Variants in RCC1L observed in about 807,000 individuals in gnomAD.
RCC1L encodes RCC1 like.
A neutral mutation model predicts 58.6 loss-of-function variants in RCC1L; 46 were observed. The observed-to-expected ratio is 0.79, with a 90% CI of 0.62 to 1.00. The LOEUF is 1.00. Ranked by LOEUF, RCC1L falls within the 50% of genes least tolerant of loss-of-function variation. RCC1L has a pLI of 0.00. For missense variants in RCC1L, 636 were observed against 623.6 expected (o/e 1.02, Z -0.21); for synonymous variants, 281 against 262.9 (o/e 1.07, Z -0.67).
chr7:75,063,340 T>C lies in RCC1L; in HGVS notation c.654A>G (p.Glu218=), dbSNP rs1806339238. 1 of 1,613,780 alleles carries C rather than the reference T, an allele frequency of 6.2e-7. No homozygotes were observed. Among genetic ancestry groups the C allele is most frequent in the Non-Finnish European group, 8.5e-7 (1 of 1,179,830 alleles). The change falls in exon 5 of 11, where the codon GAA becomes GAG. Residue 218 remains glutamate (E), a synonymous_variant. Coordinates refer to ENST00000610322, the MANE Select transcript of RCC1L (RefSeq NM_030798.5). The stretch of plus-strand genomic sequence containing the variant: ...CCTGCATCCTGTGGACTCTGTGACT[T>C]TCACTACAGCCAGGAACAAATTGGG... ...RKVVENEIYS[E]SHRVHRMQDF...
intron 8 of RCC1L, among the ~76,000 whole-genome samples, chr7:75,057,023 G>A (rs1201309832): frequency 3.9e-5 from 6 of 152,086 alleles, no homozygotes; most frequent in African/African-American, 1.4e-4. Context: ...ATCCAGGCTG[G>A]AGTGCAGTGG....
At chr7:75,036,154 T>C (rs1805426738) in intron 10 of RCC1L, among the ~76,000 whole-genome samples, 1 of 146,552 alleles carries the variant, frequency 6.8e-6, no homozygotes, top group East Asian at 2.0e-4. Context: ...GTTTTGCTCG[T>C]TTCCCAAGCT....
chr7:75,050,988 G>A (rs1321960238), intron 10 of RCC1L, among the ~76,000 whole-genome samples: 2 of 151,896 alleles, frequency 1.3e-5, no homozygotes, highest in African/African-American at 4.8e-5. Context: ...AGCTATTCAG[G>A]AGGCTGAGGT....
At chr7:75,046,524 T>C (rs1024955346) in intron 10 of RCC1L, among the ~76,000 whole-genome samples, 14 of 152,206 alleles carry the variant, frequency 9.2e-5, no homozygotes, top group Non-Finnish European at 1.3e-4. Context: ...GCCCGGCTCC[T>C]GGGAGCCAGC....
At position 75,073,660 on chromosome 7, in the gene RCC1L, C is replaced by A; in HGVS notation, c.78G>T (p.Trp26Cys). 1 of 1,484,990 alleles carries A rather than the reference C, an allele frequency of 6.7e-7. No homozygotes were observed. The highest frequency in any genetic ancestry group is 8.9e-7 in the Non-Finnish European group (1 of 1,125,704). 92.0% of individuals were successfully genotyped at this position (1,484,990 alleles called of 1,614,324 possible). ...GGCTCCGGGAGCGCCCGGCCGCCGT[C>A]CAGTGCCCTCGCCCCAGCCCCGGCC... is the stretch of plus-strand genomic sequence containing the variant. ...LSGPGLGRGH[W>C]TAAGRSRSRR... The change falls in exon 1 of 11, where the codon TGG becomes TGT. Residue 26 changes from tryptophan to cysteine, a missense_variant. Physicochemically the swap from Trp to Cys is radical, Grantham distance 215 (BLOSUM62 -2). Coordinates refer to ENST00000610322, the MANE Select transcript of RCC1L (RefSeq NM_030798.5).
chr7:75,070,047 A>C (rs587602442), intron 2 of RCC1L, among the ~76,000 whole-genome samples: 1 of 152,314 alleles, frequency 6.6e-6, no homozygotes, highest in South Asian at 2.1e-4. Context: ...ACTGCAGAGT[A>C]CTTCACGCTG....
intron 9 of RCC1L, among the ~76,000 whole-genome samples, chr7:75,054,820 AATGCAAGTGGC>A (rs1806024682): frequency 6.6e-6 from 1 of 152,224 alleles, no homozygotes; most frequent in South Asian, 2.1e-4. Context: ...CTCAGCTGCA[AATGCAAGTGGC>A]CACTCTGGCT....
chr7:75,029,407 G>A (rs1208062822), intron 10 of RCC1L, among the ~76,000 whole-genome samples: 1 of 148,976 alleles, frequency 6.7e-6, no homozygotes, highest in Non-Finnish European at 1.5e-5. Flanking sequence ...GCAGTGGTGC[G>A]ATCTCGGTTC....
rs1554443874 is a variant in RCC1L, at chr7:75,055,987, G to A, written c.1145C>T (p.Pro382Leu). ...VESAVPEMIP[P>L]TLFGLTEFNP... ...GAACTCCGTCAAGCCAAAGAGAGTGGGTGGAATCATTTCAGGGACGGCACT... is the reference window on the plus strand; with the variant it reads ...GAACTCCGTCAAGCCAAAGAGAGTGAGTGGAATCATTTCAGGGACGGCACT... Residue 382 changes from proline (P) to leucine (L), a missense_variant, in exon 9 of 11, where the codon CCC (proline) becomes CTC (leucine). Physicochemically the swap from Pro to Leu is moderately conservative, Grantham distance 98 (BLOSUM62 -3). Coordinates refer to ENST00000610322, the MANE Select transcript of RCC1L (RefSeq NM_030798.5). The A allele has an allele frequency of 1.9e-6, 3 of 1,613,932 alleles. No individual in the cohort carries two copies. In the South Asian group the frequency reaches 3.3e-5, roughly 18 times the overall value.
At position 75,033,750 on chromosome 7, in the gene RCC1L, T is replaced by C. The variant is rs1371347214; in HGVS notation, c.1318-5671A>G. ...GGTGCATACCTGTAATCCCAACTAC[T>C]CAGAGGCTGAGGCCAGAGGATCACT... is the stretch of plus-strand genomic sequence containing the variant. On this transcript the variant is annotated intron_variant, in intron 10 of 10. Coordinates refer to the RCC1L transcript ENST00000614461. 2.0e-5 allele frequency among the ~76,000 whole-genome samples: 3 copies of C among 150,756 alleles called. No individual in the cohort carries two copies. In the East Asian group the frequency reaches 5.8e-4, roughly 29 times the overall value.
In RCC1L at chr7:75,066,781, C is replaced by A. The variant is rs145547819; in HGVS notation, c.466G>T (p.Glu156Ter). 1 of 1,604,514 alleles carries A rather than the reference C, an allele frequency of 6.2e-7. No individual in the cohort carries two copies. The highest frequency in any genetic ancestry group is 1.1e-5 in the South Asian group (1 of 89,664). Residue 156 changes from glutamate (E) to a stop codon, truncating the protein, a stop_gained, in exon 3 of 11, where the codon GAG becomes TAG. Coordinates refer to ENST00000610322, the MANE Select transcript of RCC1L (RefSeq NM_030798.5). LOFTEE classifies it high-confidence loss of function. ...ACGGGTGAGGGCTCCAACACATACT[C>A]GTAGCCCCTCGCTGGAAAAGACACA... ...RSRKDKTRGY[E>*]YVLEPSPVSL... is the part of the protein sequence containing the mutation.
intron 10 of RCC1L, among the ~76,000 whole-genome samples, chr7:75,051,287 CAT>C (rs1394047194): frequency 6.8e-6 from 1 of 147,368 alleles, no homozygotes; most frequent in East Asian, 2.0e-4. Context: ...TATACACACA[CAT>C]ATAAATACAT....
At chr7:75,067,353 G>C (rs117450093) in intron 2 of RCC1L, among the ~76,000 whole-genome samples, 2 of 151,648 alleles carry the variant, frequency 1.3e-5, no homozygotes, top group Non-Finnish European at 2.9e-5. Flanking sequence ...AATCTTGGCC[G>C]GGCAGTGGCT....
chr7:75,073,778 TTGCG>T lies in RCC1L; in HGVS notation c.-45_-42del. 6.7e-7 allele frequency: 1 copy of T among 1,491,970 alleles called. No individual in the cohort carries two copies. 92.4% of individuals were successfully genotyped at this position (1,491,970 alleles called of 1,614,324 possible). A position where few individuals can be genotyped will look rare whatever the true frequency, so the allele number is the denominator to read the frequency against. On this transcript the variant is annotated 5_prime_UTR_variant, in exon 1 of 11. Coordinates refer to ENST00000610322, the MANE Select transcript of RCC1L (RefSeq NM_030798.5). ...TCAGCAGCCTCTGGGCGCCGCCATC[TTGCG>T]TGACCCTTAACACCAGTCCTCGCCG...
intron 10 of RCC1L, among the ~76,000 whole-genome samples, chr7:75,032,418 C>T (rs900179186): frequency 5.3e-5 from 8 of 152,188 alleles, no homozygotes; most frequent in African/African-American, 7.2e-5. Flanking sequence ...AGAGGAGCAC[C>T]GTGCTTCTGG....
chr7:75,073,317 C>T (rs1420456363), intron 1 of RCC1L, 97 bp downstream of exon 1: 2 of 549,576 alleles, frequency 3.6e-6, no homozygotes, highest in Non-Finnish European at 5.8e-6. Flanking sequence ...TCTGTCCACC[C>T]AGAGGAGCCA....
chr7:75,059,468 G>A (rs1336291595), intron 6 of RCC1L, among the ~76,000 whole-genome samples: 3 of 151,886 alleles, frequency 2.0e-5, no homozygotes, highest in African/African-American at 7.2e-5. Flanking sequence ...ATGCGGTTTC[G>A]TCATGTTGGC....
chr7:75,028,221 A>G, intron 10 of RCC1L: 1 of 775,506 alleles, frequency 1.3e-6, no homozygotes, highest in Non-Finnish European at 2.0e-6. Context: ...CCTGGGTTCA[A>G]GCGAGTCTCC....
rs924506731 is a variant in RCC1L at position 75,028,410 on chromosome 7, C to T, written c.1318-331G>A. Among the ~76,000 whole-genome samples the T allele has an allele frequency of 2.3e-4, 35 of 152,212 alleles. 1 individual carries two copies. Among genetic ancestry groups the T allele is most frequent in the Admixed American group, 2.2e-3 (34 of 15,288 alleles). Reference sequence around the variant, plus strand: ...TGCTGGGATTACAGGCATGAGCCACCGTGCCCGGCCTCATGGAATTTCTAG... The same window carrying T: ...TGCTGGGATTACAGGCATGAGCCACTGTGCCCGGCCTCATGGAATTTCTAG... On this transcript the variant is annotated intron_variant, in intron 10 of 10. Transcript: ENST00000614461.
Sources: allele counts gnomAD v4.1 joint callset (sites outside exome capture counted in the v4.1 genomes callset), GRCh38; gene constraint gnomAD v4.1.1; transcripts MANE v1.5; gene names NCBI Gene and HGNC (gene_info 2026-07-23, HGNC 2026-07-21).